The following ERMARD variants were observed in gnomAD, a reference collection of about 807,000 sequenced individuals.
The protein encoded by ERMARD is ER membrane associated RNA degradation, also known as endoplasmic reticulum membrane-associated RNA degradation protein.
A neutral mutation model predicts 83.9 loss-of-function variants in ERMARD; 71 were observed. That is an observed-to-expected ratio of 0.85 (90% CI 0.70 to 1.03). The LOEUF is 1.03. ERMARD is among the 50% of genes least tolerant of loss of function. ERMARD has a pLI of 0.00. For synonymous variants in ERMARD, 284 were observed against 298.6 expected (o/e 0.95, Z 0.50); for missense variants, 838 against 810.9 (o/e 1.03, Z -0.41).
chr6:169,756,492 T>C (rs1790832143), intron 4 of ERMARD, 53 bp downstream of exon 4: 1 of 1,310,818 alleles, frequency 7.6e-7, no homozygotes. Flanking sequence ...TGAATGAACA[T>C]GAAACTATTT....
intron 5 of ERMARD, among the ~76,000 whole-genome samples, chr6:169,758,282 A>C (rs191457231): frequency 6.6e-6 from 1 of 152,332 alleles, no homozygotes; most frequent in Non-Finnish European, 1.5e-5. Flanking sequence ...TTAGTCTTTG[A>C]ACATCTTCCA....
intron 9 of ERMARD, among the ~76,000 whole-genome samples, chr6:169,765,770 A>C (rs2128351962): frequency 6.6e-6 from 1 of 152,364 alleles, no homozygotes; most frequent in South Asian, 2.1e-4. Context: ...ATTTCTTGAG[A>C]GCTAGCTTAC....
rs533927007 is a variant in ERMARD, at chr6:169,773,685, T to A, written c.1317+283T>A. On this transcript the variant is annotated intron_variant, in intron 13 of 17. Coordinates refer to ENST00000366773, the MANE Select transcript of ERMARD (RefSeq NM_018341.3). ...TGGGAAGTGTTTTTGCTGAGTCCCC[T>A]GGCAGGCTGTTATTGCTGTCAGCAG... Among the ~76,000 whole-genome samples, 4 of 152,326 alleles carry A rather than the reference T, an allele frequency of 2.6e-5. No individual in the cohort carries two copies. In the South Asian group the frequency reaches 8.3e-4, roughly 32 times the overall value.
rs1308184642 is a variant in ERMARD at position 169,756,380 on chromosome 6, CCTG to C, written c.361_363del (p.Ala121del). 22 of 1,611,728 alleles carry C rather than the reference CCTG, an allele frequency of 1.4e-5. No individual in the cohort carries two copies. Among genetic ancestry groups the C allele is most frequent in the East Asian group, 2.2e-5 (1 of 44,726 alleles). ...TGATGCCTTGGAAAGTCTACAATCT[CCTG>C]CTATTTCTCTTAGCTTAATGAAACT... On this transcript the variant is annotated inframe_deletion, in exon 4 of 18. Transcript: ENST00000366773.
intron 13 of ERMARD, among the ~76,000 whole-genome samples, chr6:169,774,553 G>A (rs988990508): frequency 6.6e-6 from 1 of 152,132 alleles, no homozygotes; most frequent in Non-Finnish European, 1.5e-5. Flanking sequence ...TGGCTATTTT[G>A]GGTACTTACC....
chr6:169,768,468 A>G (rs1163033704), intron 11 of ERMARD, among the ~76,000 whole-genome samples: 1 of 152,242 alleles, frequency 6.6e-6, no homozygotes, highest in Non-Finnish European at 1.5e-5. Flanking sequence ...TGTTAAATGC[A>G]ACAGTTAGGC....
chr6:169,751,821 T>A, intron 1 of ERMARD, 158 bp downstream of exon 1: 8 of 1,107,670 alleles, frequency 7.2e-6, no homozygotes, highest in Non-Finnish European at 8.5e-6. Flanking sequence ...GGCCCTGGCC[T>A]CTGTGGCGGT....
At chr6:169,779,037 AG>A in intron 16 of ERMARD, 144 bp from the exon 17 acceptor site, 1 of 735,094 alleles carries the variant, frequency 1.4e-6, no homozygotes, top group African/African-American at 1.7e-5. Context: ...GGCTGGAAGC[AG>A]GCATTGGGCT....
chr6:169,751,327 C>T (rs754959686), upstream of ERMARD: 7 of 1,612,658 alleles, frequency 4.3e-6, no homozygotes, highest in Admixed American at 3.3e-5. Flanking sequence ...CCCTAGCAGT[C>T]TCCGCACTCA....
At chr6:169,768,743 G>A (rs772768196) in intron 11 of ERMARD, among the ~76,000 whole-genome samples, 12 of 152,178 alleles carry the variant, frequency 7.9e-5, no homozygotes, top group Non-Finnish European at 1.2e-4. Context: ...TCCAGCCTGG[G>A]CAACAGAGCA....
intron 7 of ERMARD, 146 bp from the exon 8 acceptor site, chr6:169,760,496 C>T (rs941561681): frequency 1.6e-6 from 1 of 620,266 alleles, no homozygotes; most frequent in African/African-American, 1.9e-5. Context: ...TCAGGGCAAT[C>T]CTACTCTCTA....
intron 4 of ERMARD, 118 bp downstream of exon 4, chr6:169,756,557 A>G (rs1790842489): frequency 1.0e-6 from 1 of 978,062 alleles, no homozygotes; most frequent in Non-Finnish European, 1.5e-6. Flanking sequence ...ATCATTTAGT[A>G]TGAATTTTTA....
intron 6 of ERMARD, 58 bp downstream of exon 6, chr6:169,759,123 A>C: frequency 7.2e-7 from 1 of 1,394,642 alleles, no homozygotes; most frequent in Non-Finnish European, 1.0e-6. Flanking sequence ...GAGTTTTTTA[A>C]ATTTTGAATT....
intron 10 of ERMARD, 64 bp from the exon 11 acceptor site, chr6:169,768,039 T>G: frequency 7.3e-7 from 1 of 1,371,526 alleles, no homozygotes; most frequent in Non-Finnish European, 1.0e-6. Flanking sequence ...CCATCAACTC[T>G]GAAAGTTCTG....
intron 13 of ERMARD, among the ~76,000 whole-genome samples, chr6:169,774,043 C>T (rs943343016): frequency 2.0e-5 from 3 of 152,184 alleles, no homozygotes; most frequent in Admixed American, 6.5e-5. Context: ...TTTAAAGAAA[C>T]GGTGCCTAGA....
Position 169,758,977 on chromosome 6 carries a change from C to T in ERMARD, c.517C>T (p.Leu173=), listed in dbSNP as rs778130668. 3 of 1,613,702 alleles carry T rather than the reference C, an allele frequency of 1.9e-6. No homozygotes were observed. The South Asian group carries it at 3.3e-5, about 18-fold the overall frequency. ...ATGATTTGCGGATTAGATGAATGTG[C>T]TAAAAGTCTTCGTTGGCTCTCCGTG... The part of the protein sequence containing the change: ...QVFSQSVMNV[L]KVFVGSPCGL... Residue 173 remains leucine (L), a synonymous_variant, in exon 6 of 18, where the codon CTA becomes TTA. Coordinates refer to ENST00000366773, the MANE Select transcript of ERMARD (RefSeq NM_018341.3).
chr6:169,778,487 T>C (rs543809894), intron 16 of ERMARD, among the ~76,000 whole-genome samples: 33 of 152,354 alleles, frequency 2.2e-4, no homozygotes, highest in African/African-American at 7.0e-4. Flanking sequence ...TCTTCACTTA[T>C]AGAGTATATT....
At chr6:169,759,648 C>G (rs1290682847) in intron 6 of ERMARD, among the ~76,000 whole-genome samples, 190 bp from the exon 7 acceptor site, 1 of 152,208 alleles carries the variant, frequency 6.6e-6, no homozygotes, top group Non-Finnish European at 1.5e-5. Flanking sequence ...TCTCAGACTC[C>G]TGAGCTCAAC....
rs1481281931 is a variant in ERMARD, at chr6:169,769,733, A to G, written c.1233+20A>G. 6.4e-7 allele frequency: 1 copy of G among 1,562,162 alleles called. No individual in the cohort carries two copies. On this transcript the variant is annotated intron_variant, in intron 12 of 17. Transcript: ENST00000366773. ...TTTAAGGTAATTTATAGGGAAGAAA[A>G]TCATTAATTAGATTAACTCATTCAG...
Sources: gnomAD v4.1 joint callset for allele counts (sites outside exome capture counted in the v4.1 genomes callset) on GRCh38, gnomAD v4.1.1 for gene constraint, MANE v1.5 for transcripts, NCBI Gene and HGNC (gene_info 2026-07-23, HGNC 2026-07-21) for gene names.